KCNH8: variants seen among roughly 807,000 people sequenced by gnomAD.
KCNH8 encodes the protein voltage-gated delayed rectifier potassium channel KCNH8.
In KCNH8, 70 loss-of-function variants were observed where a neutral mutation model predicts 103.6. The ratio of observed to expected loss-of-function variants is 0.68; its 90% CI spans 0.56 to 0.82. The LOEUF is 0.82. KCNH8 is among the 40% of genes least tolerant of loss of function. KCNH8 has a pLI of 0.00. For missense variants in KCNH8, 1,217 were observed against 1,329.9 expected, an observed-to-expected ratio of 0.92 and a Z score of 1.32; for synonymous variants, 498 against 489.4, an observed-to-expected ratio of 1.02 and a Z score of -0.23.
At chr3:19,339,388 G>A (rs1049022930) in intron 3 of KCNH8, among the ~76,000 whole-genome samples, 5 of 152,034 alleles carry the variant, frequency 3.3e-5, no homozygotes, top group Admixed American at 1.3e-4. Context: ...CCATACCTAC[G>A]AAATTTCTGT....
intron 3 of KCNH8, among the ~76,000 whole-genome samples, chr3:19,335,670 A>G (rs1354970747): frequency 1.3e-5 from 2 of 151,564 alleles, no homozygotes; most frequent in Admixed American, 1.3e-4. Context: ...GGCCTCAGAG[A>G]GGGGTGGTAA....
In KCNH8 at chr3:19,183,436, A is replaced by AATTGTGCATGC. The variant is rs1178688226; in HGVS notation, c.76+34643_76+34644insTGTGCATGCAT. On this transcript the variant is annotated intron_variant, in intron 1 of 15. Transcript: ENST00000328405. ...TATCGTGCATGCATGGAACAATGAC[A>AATTGTGCATGC]ATGGAATCGAATATACAGCCAAGAA... Among the ~76,000 whole-genome samples, 3 of 152,270 alleles carry AATTGTGCATGC rather than the reference A, an allele frequency of 2.0e-5. No individual in the cohort carries two copies. In the East Asian group the frequency reaches 5.8e-4, roughly 29 times the overall value.
intron 7 of KCNH8, among the ~76,000 whole-genome samples, chr3:19,405,817 T>C (rs955155706): frequency 2.0e-5 from 3 of 152,142 alleles, no homozygotes; most frequent in South Asian, 4.1e-4. Flanking sequence ...AATGAGATAA[T>C]TGACTGATTC....
At chr3:19,449,667 T>A (rs1254825952) in intron 8 of KCNH8, among the ~76,000 whole-genome samples, 2 of 152,154 alleles carry the variant, frequency 1.3e-5, no homozygotes, top group Non-Finnish European at 2.9e-5. Flanking sequence ...CATTCATTAC[T>A]ATTATAAAAG....
chr3:19,530,217 G>GAGTA (rs990543130), intron 15 of KCNH8, among the ~76,000 whole-genome samples: 5 of 152,150 alleles, frequency 3.3e-5, no homozygotes, highest in African/African-American at 1.2e-4. Context: ...TAGATTAAAG[G>GAGTA]AGTAAGTGCC....
intron 11 of KCNH8, among the ~76,000 whole-genome samples, chr3:19,495,020 T>A (rs1039543434): frequency 2.0e-5 from 3 of 152,188 alleles, no homozygotes; most frequent in African/African-American, 7.2e-5. Flanking sequence ...GCTGTTCCTA[T>A]CCTTTGCCCA....
chr3:19,173,907 T>C (rs1441076365), intron 1 of KCNH8, among the ~76,000 whole-genome samples: 1 of 151,712 alleles, frequency 6.6e-6, no homozygotes, highest in East Asian at 1.9e-4. Context: ...AGGTTTGACT[T>C]TGACATCTGA....
chr3:19,188,557 T>A (rs972493295), intron 1 of KCNH8, among the ~76,000 whole-genome samples: 1 of 152,028 alleles, frequency 6.6e-6, no homozygotes, highest in African/African-American at 2.4e-5. Flanking sequence ...AAAAATTTAA[T>A]AAAAATCGAT....
At chr3:19,155,565 C>T (rs1190702962) in intron 1 of KCNH8, among the ~76,000 whole-genome samples, 1 of 152,160 alleles carries the variant, frequency 6.6e-6, no homozygotes, top group East Asian at 1.9e-4. Flanking sequence ...TGTCCAATGT[C>T]CTTGGCATCA....
intron 1 of KCNH8, among the ~76,000 whole-genome samples, chr3:19,238,996 G>C (rs1341565238): frequency 6.6e-6 from 1 of 152,000 alleles, no homozygotes; most frequent in Non-Finnish European, 1.5e-5. Flanking sequence ...GACTAACTAA[G>C]TAATTTTTGA....
intron 1 of KCNH8, among the ~76,000 whole-genome samples, chr3:19,230,105 C>G (rs992744609): frequency 1.3e-5 from 2 of 152,098 alleles, no homozygotes; most frequent in Admixed American, 6.6e-5. Flanking sequence ...ATAAAACCAT[C>G]AGAGCTCATG....
intron 5 of KCNH8, among the ~76,000 whole-genome samples, chr3:19,380,390 T>C (rs1366849537): frequency 1.3e-5 from 2 of 152,230 alleles, no homozygotes; most frequent in Admixed American, 1.3e-4. Flanking sequence ...TCAACCCTAA[T>C]TCTGACTATA....
chr3:19,494,795 T>C (rs948998247), intron 11 of KCNH8, among the ~76,000 whole-genome samples: 38 of 152,220 alleles, frequency 2.5e-4, no homozygotes, highest in African/African-American at 9.2e-4. Context: ...TCCATAATAG[T>C]TGAACTAATT....
intron 10 of KCNH8, among the ~76,000 whole-genome samples, chr3:19,456,064 A>G (rs1044104698): frequency 7.2e-5 from 11 of 152,098 alleles, no homozygotes; most frequent in African/African-American, 2.2e-4. Context: ...AGCAATATTG[A>G]CAACAATAAA....
intron 5 of KCNH8, among the ~76,000 whole-genome samples, chr3:19,364,876 G>A (rs1199971414): frequency 6.6e-6 from 1 of 152,110 alleles, no homozygotes; most frequent in East Asian, 1.9e-4. Flanking sequence ...ATGGGAAGAT[G>A]AAACGCTATC....
chr3:19,260,337 T>C (rs569328381), intron 2 of KCNH8, among the ~76,000 whole-genome samples: 1 of 151,222 alleles, frequency 6.6e-6, no homozygotes, highest in African/African-American at 2.4e-5. Flanking sequence ...TTCAGTCTTA[T>C]GATTTCAGAT....
chr3:19,172,683 A>G (rs1453241789), intron 1 of KCNH8, among the ~76,000 whole-genome samples: 2 of 152,178 alleles, frequency 1.3e-5, no homozygotes, highest in Admixed American at 1.3e-4. Flanking sequence ...GCTCCATTTT[A>G]AAGCTGAAGA....
intron 3 of KCNH8, among the ~76,000 whole-genome samples, chr3:19,321,539 A>C (rs1393837806): frequency 6.6e-6 from 1 of 151,934 alleles, no homozygotes; most frequent in Non-Finnish European, 1.5e-5. Context: ...CTGTGGTCTG[A>C]GACAGTACTT....
At chr3:19,235,082 G>T (rs949610463) in intron 1 of KCNH8, among the ~76,000 whole-genome samples, 3 of 152,190 alleles carry the variant, frequency 2.0e-5, no homozygotes, top group Non-Finnish European at 1.5e-5. Flanking sequence ...GTTTGGTGAC[G>T]TTAGGAGAAA....
Sources: gnomAD v4.1 joint callset for allele counts (sites outside exome capture counted in the v4.1 genomes callset) on GRCh38, gnomAD v4.1.1 for gene constraint, MANE v1.5 for transcripts, NCBI Gene and HGNC (gene_info 2026-07-23, HGNC 2026-07-21) for gene names.